EPB41L4B: variants seen among roughly 807,000 people sequenced by gnomAD.
EPB41L4B encodes the protein band 4.1-like protein 4B.
In EPB41L4B, 30 loss-of-function variants were observed where a neutral mutation model predicts 112.5. That is an observed-to-expected ratio of 0.27 (90% CI 0.20 to 0.36). The LOEUF is 0.36. Ranked by LOEUF, EPB41L4B falls within the 10% of genes least tolerant of loss-of-function variation. EPB41L4B has a pLI of 1.00. For synonymous variants in EPB41L4B, 408 were observed against 439.7 expected, an observed-to-expected ratio of 0.93 and a Z score of 0.90; for missense variants, 1,024 against 1,133.3, an observed-to-expected ratio of 0.90 and a Z score of 1.38.
rs1175693307 is a variant in EPB41L4B, at chr9:109,173,235, G to C, written c.*1319C>G. ...ATTGTCGAGGGGATTCAAGCATTCA[G>C]AGGGGGTGGGGAGGCTAAACTAGAT... is the stretch of plus-strand genomic sequence containing the variant. On this transcript the variant is annotated 3_prime_UTR_variant, in exon 26 of 26. Coordinates refer to ENST00000374566, the MANE Select transcript of EPB41L4B (RefSeq NM_019114.5). The C allele has an allele frequency of 6.6e-6, 1 of 152,646 alleles. No homozygotes were observed. Among genetic ancestry groups the C allele is most frequent in the African/African-American group, 2.4e-5 (1 of 41,436 alleles). 9.5% of individuals were successfully genotyped at this position (152,646 alleles called of 1,614,324 possible).
intron 15 of EPB41L4B, chr9:109,240,948 T>C: frequency 2.0e-6 from 2 of 985,460 alleles, no homozygotes; most frequent in Non-Finnish European, 2.4e-6. Context: ...GTACGACTGC[T>C]TAAATTCAAA....
At chr9:109,247,854 A>G in intron 13 of EPB41L4B, 65 bp from the exon 14 acceptor site, 1 of 1,239,144 alleles carries the variant, frequency 8.1e-7, no homozygotes, top group Non-Finnish European at 1.1e-6. Flanking sequence ...TGGCATTATT[A>G]ATGATTTATT....
chr9:109,267,640 A>G, intron 3 of EPB41L4B, 89 bp from the exon 4 acceptor site: 1 of 860,280 alleles, frequency 1.2e-6, no homozygotes, highest in African/African-American at 1.7e-5. Context: ...CGTTAAATCT[A>G]TAACATTTAG....
intron 15 of EPB41L4B, among the ~76,000 whole-genome samples, chr9:109,237,728 G>A (rs1383771727): frequency 6.6e-6 from 1 of 152,082 alleles, no homozygotes; most frequent in Admixed American, 6.6e-5. Flanking sequence ...CACAGGTGAT[G>A]GAGATGAACA....
chr9:109,289,233 G>A (rs1251701875), intron 1 of EPB41L4B, among the ~76,000 whole-genome samples: 8 of 152,100 alleles, frequency 5.3e-5, no homozygotes, highest in Admixed American at 3.3e-4. Flanking sequence ...CCTAGGCTCC[G>A]GTCAAACTAC....
At chr9:109,286,979 T>G (rs2119163547) in intron 1 of EPB41L4B, among the ~76,000 whole-genome samples, 1 of 152,354 alleles carries the variant, frequency 6.6e-6, no homozygotes, top group Admixed American at 6.5e-5. Flanking sequence ...CTAGTTTTTC[T>G]GCCAACACAT....
chr9:109,267,658 T>A (rs891309872), intron 3 of EPB41L4B, 107 bp from the exon 4 acceptor site: 1 of 740,330 alleles, frequency 1.4e-6, no homozygotes, highest in Non-Finnish European at 2.3e-6. Context: ...TAGCACAACA[T>A]CAGGACAGCA....
Position 109,203,749 on chromosome 9 carries a change from AG to A in EPB41L4B, c.1879-20del, listed in dbSNP as rs776146260. ...TTCCACCCTGTTAAAGAAAGCATTCAGGTTAGTCAAAACTGAATATGTTGGC... is the reference window on the plus strand; with the variant it reads ...TTCCACCCTGTTAAAGAAAGCATTCAGTTAGTCAAAACTGAATATGTTGGC... On this transcript the variant is annotated intron_variant, in intron 18 of 25. Coordinates refer to ENST00000374566, the MANE Select transcript of EPB41L4B (RefSeq NM_019114.5). 2.5e-6 allele frequency: 4 copies of A among 1,605,940 alleles called. No individual in the cohort carries two copies. Among genetic ancestry groups the A allele is most frequent in the South Asian group, 2.2e-5 (2 of 90,700 alleles).
At chr9:109,245,685 T>C (rs1020654318) in intron 14 of EPB41L4B, among the ~76,000 whole-genome samples, 9 of 152,168 alleles carry the variant, frequency 5.9e-5, no homozygotes, top group Non-Finnish European at 1.3e-4. Context: ...TGAAATAAGA[T>C]AAATGCTGCA....
chr9:109,304,311 A>G (rs1473469877), intron 1 of EPB41L4B, among the ~76,000 whole-genome samples: 1 of 152,174 alleles, frequency 6.6e-6, no homozygotes, highest in Non-Finnish European at 1.5e-5. Flanking sequence ...CTGGCTTCCA[A>G]TACTAGATAT....
intron 1 of EPB41L4B, among the ~76,000 whole-genome samples, chr9:109,316,385 C>G (rs937403164): frequency 6.6e-6 from 1 of 152,208 alleles, no homozygotes; most frequent in Non-Finnish European, 1.5e-5. Flanking sequence ...TGAGCAACAG[C>G]CACACGAGCA....
rs931454115 is a variant in EPB41L4B at position 109,268,526 on chromosome 9, C to T, written c.412-93G>A. The T allele has an allele frequency of 2.6e-6, 3 of 1,169,874 alleles. No homozygotes were observed. In the African/African-American group the frequency reaches 4.7e-5, roughly 18 times the overall value. 72.5% of individuals were successfully genotyped at this position (1,169,874 alleles called of 1,614,324 possible). ...CCCTCCTCTAAAAGCCTTAGTAATT[C>T]TACCCACAAAAACCAGGGTTTGGAT... On this transcript the variant is annotated intron_variant, in intron 2 of 25. Coordinates refer to ENST00000374566, the MANE Select transcript of EPB41L4B (RefSeq NM_019114.5).
rs566371782 is a variant in EPB41L4B, at chr9:109,223,287, T to C, written c.1410-6142A>G. ...CCATTTCCACAACAACAACAAAAAA[T>C]TAACCCGGTATGGTGGCACATACTG... On this transcript the variant is annotated intron_variant, in intron 15 of 25. Transcript: ENST00000374566. Among the ~76,000 whole-genome samples, 11 of 152,004 alleles carry C rather than the reference T, an allele frequency of 7.2e-5. No individual in the cohort carries two copies. The East Asian group carries it at 1.9e-3, about 27-fold the overall frequency.
At chr9:109,239,991 T>C (rs1834298004) in intron 15 of EPB41L4B, 2 of 985,416 alleles carry the variant, frequency 2.0e-6, no homozygotes, top group Non-Finnish European at 1.2e-6. Context: ...AGATCCACTC[T>C]TGCCAAGAGC....
chr9:109,271,826 CG>C (rs1835631057), intron 2 of EPB41L4B, among the ~76,000 whole-genome samples: 1 of 152,188 alleles, frequency 6.6e-6, no homozygotes, highest in Admixed American at 6.5e-5. Context: ...AACACTCTAA[CG>C]GGTGTTAGAA....
Position 109,258,197 on chromosome 9 carries a change from G to A in EPB41L4B, c.732C>T (p.Phe244=). The part of the protein sequence containing the change: ...NQTEAMEFDI[F]QRWKECRGKS... ...GGTACCTGCACTCTTTCCATCTCTG[G>A]AAGATATCAAATTCCATTGCTTCTG... The change falls in exon 7 of 26, where the codon TTC becomes TTT. Residue 244 remains phenylalanine, a synonymous_variant. Transcript: ENST00000374566. The A allele has an allele frequency of 6.2e-7, 1 of 1,613,826 alleles. No individual in the cohort carries two copies. Among genetic ancestry groups the A allele is most frequent in the Non-Finnish European group, 8.5e-7 (1 of 1,179,746 alleles).
In EPB41L4B at chr9:109,174,563, G is replaced by A. The variant is rs200164840; in HGVS notation, c.2694C>T (p.Thr898=). 48 of 1,613,866 alleles carry A rather than the reference G, an allele frequency of 3.0e-5. 1 individual carries two copies. The highest frequency in any genetic ancestry group is 3.8e-5 in the Non-Finnish European group (45 of 1,179,860). The part of the protein sequence containing the change: ...REKMMKRLLM[T]EL The stretch of plus-strand genomic sequence containing the variant: ...TGACAAGGGGAGAATTTCACAGTTC[G>A]GTCATCAACAGTCTTTTCATCATCT... Residue 898 remains threonine, a synonymous_variant, in exon 26 of 26, where the codon ACC becomes ACT. Coordinates refer to ENST00000374566, the MANE Select transcript of EPB41L4B (RefSeq NM_019114.5).
chr9:109,230,867 G>T (rs915823104), intron 15 of EPB41L4B, among the ~76,000 whole-genome samples: 1 of 152,042 alleles, frequency 6.6e-6, no homozygotes. Context: ...TTCAGAAAAG[G>T]TCAAAATTGG....
intron 15 of EPB41L4B, among the ~76,000 whole-genome samples, chr9:109,239,295 A>T (rs1230808830): frequency 6.6e-6 from 1 of 152,186 alleles, no homozygotes; most frequent in Non-Finnish European, 1.5e-5. Flanking sequence ...ACTGTGGGTA[A>T]AAAAGGGAAT....
Sources: gnomAD v4.1 joint callset for allele counts (sites outside exome capture counted in the v4.1 genomes callset) on GRCh38, gnomAD v4.1.1 for gene constraint, MANE v1.5 for transcripts, NCBI Gene and HGNC (gene_info 2026-07-23, HGNC 2026-07-21) for gene names.